CELSR1: variants seen among roughly 807,000 people sequenced by gnomAD.
The protein encoded by CELSR1 is cadherin EGF LAG seven-pass G-type receptor 1, also known as adhesion G protein-coupled receptor C1.
CELSR1 carries 110 observed loss-of-function variants against 249.1 expected under a neutral mutation model. That is an observed-to-expected ratio of 0.44 (90% CI 0.38 to 0.52). CELSR1 has a LOEUF of 0.52. Among genes scored for constraint, CELSR1 ranks in the 20% least tolerant of loss-of-function variants. CELSR1 has a pLI of 0.00. For missense variants in CELSR1, 4,109 were observed against 4,296.4 expected (o/e 0.96, Z 1.22); for synonymous variants, 2,113 against 1,900.0 (o/e 1.11, Z -2.92).
chr22:46,535,158 G>A lies in CELSR1; in HGVS notation c.2013C>T (p.Thr671=). 1 of 1,609,862 alleles carries A rather than the reference G, an allele frequency of 6.2e-7. No individual in the cohort carries two copies. ...DHGSPPMSSS[T]SVSITVLDVN... is the part of the protein sequence containing the mutation. ...CGTCCAGCACCGTGATGGACACGCTGGTGGAGGAGCTCATGGGGGGCGAGC... is the reference window on the plus strand; with the variant it reads ...CGTCCAGCACCGTGATGGACACGCTAGTGGAGGAGCTCATGGGGGGCGAGC... The change falls in exon 1 of 35, where the codon ACC becomes ACT. Residue 671 remains threonine, a synonymous_variant. Coordinates refer to ENST00000674500, the MANE Select transcript of CELSR1 (RefSeq NM_001378328.1).
intron 5 of CELSR1, among the ~76,000 whole-genome samples, chr22:46,426,627 A>G (rs899803014): frequency 6.6e-6 from 1 of 152,110 alleles, no homozygotes; most frequent in African/African-American, 2.4e-5. Flanking sequence ...TGGGGGTGCT[A>G]TGGTCTGAAG....
chr22:46,430,435 A>AG lies in CELSR1; in HGVS notation c.4611+2957dup, dbSNP rs1170478536. Among the ~76,000 whole-genome samples, 1 of 152,028 alleles carries AG rather than the reference A, an allele frequency of 6.6e-6. No individual in the cohort carries two copies. The highest frequency in any genetic ancestry group is 1.5e-5 in the Non-Finnish European group (1 of 67,966). ...CCAAGGCAGGCAGGGACGCGTGTGC[A>AG]GGGGGGTTCCCTCGGCAGTGTCACC... On this transcript the variant is annotated intron_variant, in intron 5 of 34. Coordinates refer to ENST00000674500, the MANE Select transcript of CELSR1 (RefSeq NM_001378328.1). The surrounding 1 kb of genome is among the most constrained non-coding windows in gnomAD (Gnocchi z 4.6).
rs1288069109 is a variant in CELSR1 at position 46,526,872 on chromosome 22, G to A, written c.3544+6755C>T. On this transcript the variant is annotated intron_variant, in intron 1 of 34. Transcript: ENST00000674500. This position sits in a 1 kb window ranked among gnomAD's most constrained non-coding sequence, Gnocchi z 4.7. The stretch of plus-strand genomic sequence containing the variant: ...TCAACTTCAGGACACTCTCAAAGAC[G>A]CCCAGCCACACGGGGCCAAAAATGG... Among the ~76,000 whole-genome samples, 2 of 152,144 alleles carry A rather than the reference G, an allele frequency of 1.3e-5. No individual in the cohort carries two copies. Among genetic ancestry groups the A allele is most frequent in the African/African-American group, 2.4e-5 (1 of 41,420 alleles).
chr22:46,492,923 A>G (rs1415866011), intron 1 of CELSR1, among the ~76,000 whole-genome samples: 1 of 152,138 alleles, frequency 6.6e-6, no homozygotes, highest in Non-Finnish European at 1.5e-5. Context: ...CATGGAAAAC[A>G]TTTAATATTT....
chr22:46,425,727 C>T (rs2079529879), intron 5 of CELSR1, among the ~76,000 whole-genome samples: 1 of 151,980 alleles, frequency 6.6e-6, no homozygotes, highest in East Asian at 1.9e-4. Flanking sequence ...AGAATCGGCT[C>T]TTTGTTTCAT....
rs1429527680 is a variant in CELSR1 at position 46,518,205 on chromosome 22, T to C, written c.3544+15422A>G. Among the ~76,000 whole-genome samples, 1 of 152,198 alleles carries C rather than the reference T, an allele frequency of 6.6e-6. No individual in the cohort carries two copies. Among genetic ancestry groups the C allele is most frequent in the Non-Finnish European group, 1.5e-5 (1 of 68,036 alleles). ...GATTGCAGGCGTGAGCCACCACGCC[T>C]GGCCTCGGCATCCCCTTTCTAAAGG... On this transcript the variant is annotated intron_variant, in intron 1 of 34. Transcript: ENST00000674500. This position sits in a 1 kb window ranked among gnomAD's most constrained non-coding sequence, Gnocchi z 5.2.
chr22:46,515,625 T>C (rs1261730973), intron 1 of CELSR1, among the ~76,000 whole-genome samples: 1 of 152,138 alleles, frequency 6.6e-6, no homozygotes, highest in Non-Finnish European at 1.5e-5. Context: ...CACACAGTGC[T>C]CAGGGCTGGG....
In CELSR1 at chr22:46,390,709, A is replaced by C. The variant is rs1192948932; in HGVS notation, c.6251-223T>G. ...CAGGCGTTTCGGGAGCCCAGCCAAC[A>C]GGAGCCAGCACTTCCGAGCAAGTCC... On this transcript the variant is annotated intron_variant, in intron 16 of 34. Transcript: ENST00000674500. This position sits in a 1 kb window ranked among gnomAD's most constrained non-coding sequence, Gnocchi z 6.3. Among the ~76,000 whole-genome samples the C allele has an allele frequency of 6.6e-6, 1 of 152,218 alleles. No homozygotes were observed. Among genetic ancestry groups the C allele is most frequent in the African/African-American group, 2.4e-5 (1 of 41,452 alleles).
At chr22:46,482,875 C>T (rs2080279912) in intron 1 of CELSR1, among the ~76,000 whole-genome samples, 1 of 152,144 alleles carries the variant, frequency 6.6e-6, no homozygotes, top group South Asian at 2.1e-4. Flanking sequence ...AGCCTGTAGA[C>T]AAGGGAGTGC....
chr22:46,519,830 G>A (rs1017282279), intron 1 of CELSR1, among the ~76,000 whole-genome samples: 1 of 151,164 alleles, frequency 6.6e-6, no homozygotes, highest in African/African-American at 2.4e-5. Context: ...TTTGATCCAT[G>A]TACCAGGCAC....
rs1326115708 is a variant in CELSR1, at chr22:46,489,791, A to T, written c.3545-25446T>A. 2.6e-5 allele frequency among the ~76,000 whole-genome samples: 4 copies of T among 151,664 alleles called. No homozygotes were observed. The East Asian group carries it at 5.8e-4, about 22-fold the overall frequency. The stretch of plus-strand genomic sequence containing the variant: ...ACATCTGTAATCCCAGCTACTCGGG[A>T]GGCTGAGGCATGAGAATTGCTTGAA... On this transcript the variant is annotated intron_variant, in intron 1 of 34. Coordinates refer to ENST00000674500, the MANE Select transcript of CELSR1 (RefSeq NM_001378328.1).
rs573895362 is a variant in CELSR1, at chr22:46,436,811, G to T, written c.4407-522C>A. On this transcript the variant is annotated intron_variant, in intron 3 of 34. Coordinates refer to ENST00000674500, the MANE Select transcript of CELSR1 (RefSeq NM_001378328.1). This position sits in a 1 kb window ranked among gnomAD's most constrained non-coding sequence, Gnocchi z 5.9. ...AGACCCCAGGGCCTTTGCACCAGCTGCCCCCTATGCCAGAAACAATCTTCC... is the reference window on the plus strand; with the variant it reads ...AGACCCCAGGGCCTTTGCACCAGCTTCCCCCTATGCCAGAAACAATCTTCC... Among the ~76,000 whole-genome samples, 3 of 152,226 alleles carry T rather than the reference G, an allele frequency of 2.0e-5. No homozygotes were observed. Among genetic ancestry groups the T allele is most frequent in the African/African-American group, 7.2e-5 (3 of 41,522 alleles).
intron 1 of CELSR1, among the ~76,000 whole-genome samples, chr22:46,505,059 G>A (rs977451241): frequency 6.6e-6 from 1 of 151,722 alleles, no homozygotes; most frequent in Non-Finnish European, 1.5e-5. Context: ...TCAGGAGATC[G>A]AGACCATCCT....
chr22:46,494,641 C>T (rs531157655), intron 1 of CELSR1, among the ~76,000 whole-genome samples: 195 of 152,140 alleles, frequency 1.3e-3, no homozygotes, highest in African/African-American at 4.5e-3. Context: ...CCAGAGTAGC[C>T]GGGATTACAG....
In CELSR1 at chr22:46,413,607, A is replaced by G. The variant is rs1421934642; in HGVS notation, c.4612-1848T>C. On this transcript the variant is annotated intron_variant, in intron 5 of 34. Transcript: ENST00000674500. This position sits in a 1 kb window ranked among gnomAD's most constrained non-coding sequence, Gnocchi z 4.7. ...TGTAAATCCAAGGGAGGCTTCTACC[A>G]TGACCCCTGGTATTCGAATGCATGG... Among the ~76,000 whole-genome samples the G allele has an allele frequency of 6.6e-6, 1 of 152,208 alleles. No homozygotes were observed. The highest frequency in any genetic ancestry group is 6.5e-5 in the Admixed American group (1 of 15,284).
Position 46,463,888 on chromosome 22 carries a change from G to A in CELSR1, c.4002C>T (p.Thr1334=). The change falls in exon 2 of 35, where the codon ACC becomes ACT. Residue 1334 remains threonine, a synonymous_variant. Transcript: ENST00000674500. The part of the protein sequence containing the change: ...FDSSAPFLSS[T]TVLFRPIHPI... Reference sequence around the variant, plus strand: ...GGTGGATGGGCCGGAAGAGCACGGTGGTGGAGCTGAGGAAGGGCGCGGAGC... The same window carrying A: ...GGTGGATGGGCCGGAAGAGCACGGTAGTGGAGCTGAGGAAGGGCGCGGAGC... 1 of 1,613,342 alleles carries A rather than the reference G, an allele frequency of 6.2e-7. No individual in the cohort carries two copies. The highest frequency in any genetic ancestry group is 8.5e-7 in the Non-Finnish European group (1 of 1,179,596).
intron 1 of CELSR1, among the ~76,000 whole-genome samples, chr22:46,510,120 G>A (rs759722384): frequency 6.6e-6 from 1 of 152,230 alleles, no homozygotes; most frequent in Non-Finnish European, 1.5e-5. Flanking sequence ...TCCAGCAGAC[G>A]AGGACGGCCC....
chr22:46,459,552 T>TTGAA (rs1247577072), intron 2 of CELSR1, among the ~76,000 whole-genome samples: 1 of 152,216 alleles, frequency 6.6e-6, no homozygotes, highest in Non-Finnish European at 1.5e-5. Flanking sequence ...ATGCCTGGGT[T>TTGAA]TGAATCCTGA....
At chr22:46,415,411 A>G (rs2079388417) in intron 5 of CELSR1, among the ~76,000 whole-genome samples, 1 of 152,088 alleles carries the variant, frequency 6.6e-6, no homozygotes, top group South Asian at 2.1e-4. Flanking sequence ...CGGCCTCCCG[A>G]AGTGCTGGGA....
Sources: allele counts gnomAD v4.1 joint callset (sites outside exome capture counted in the v4.1 genomes callset), GRCh38; gene constraint gnomAD v4.1.1; non-coding constraint Gnocchi (gnomAD v3.1); transcripts MANE v1.5; gene names NCBI Gene and HGNC (gene_info 2026-07-23, HGNC 2026-07-21).